DLG2: variants seen among roughly 807,000 people sequenced by gnomAD.
DLG2 encodes discs large MAGUK scaffold protein 2.
A neutral mutation model predicts 132.5 loss-of-function variants in DLG2; 45 were observed. That is an observed-to-expected ratio of 0.34 (90% CI 0.27 to 0.44). The LOEUF (loss-of-function observed/expected upper bound fraction) is 0.44. DLG2 is among the 20% of genes least tolerant of loss of function. The pLI is 1.00. For synonymous variants in DLG2, 424 were observed against 419.6 expected (o/e 1.01, Z -0.13); for missense variants, 1,045 against 1,196.9 (o/e 0.87, Z 1.87).
chr11:85,236,987 C>A (rs995404786), intron 4 of DLG2, among the ~76,000 whole-genome samples: 1 of 152,096 alleles, frequency 6.6e-6, no homozygotes, highest in South Asian at 2.1e-4. Context: ...AAGCTTCCCA[C>A]AAACTACATG....
At chr11:85,069,384 A>T (rs1186486000) in intron 6 of DLG2, among the ~76,000 whole-genome samples, 4 of 152,170 alleles carry the variant, frequency 2.6e-5, no homozygotes, top group Non-Finnish European at 5.9e-5. Flanking sequence ...AATGGGAGAA[A>T]ATTTTTGCAA....
chr11:83,651,828 T>G (rs2070571633), intron 18 of DLG2: 1 of 470,974 alleles, frequency 2.1e-6, no homozygotes. Context: ...TGTGAAAGAT[T>G]TGCTCCCTAC....
chr11:85,215,430 A>T (rs1281451819), intron 4 of DLG2, among the ~76,000 whole-genome samples: 1 of 152,246 alleles, frequency 6.6e-6, no homozygotes, highest in Non-Finnish European at 1.5e-5. Flanking sequence ...GAAGGAATTC[A>T]GAATATGCCA....
At chr11:85,422,569 TC>T (rs1225992172) in intron 3 of DLG2, among the ~76,000 whole-genome samples, 1 of 151,706 alleles carries the variant, frequency 6.6e-6, no homozygotes, top group Admixed American at 6.6e-5. Flanking sequence ...TGTCGGGGTT[TC>T]TTTGTTTCTT....
chr11:83,715,923 T>C (rs768538808), intron 18 of DLG2, among the ~76,000 whole-genome samples: 1 of 152,196 alleles, frequency 6.6e-6, no homozygotes, highest in Non-Finnish European at 1.5e-5. Flanking sequence ...TTTCTGATCA[T>C]CTCATTAGGC....
At chr11:84,734,698 G>A (rs1023470387) in intron 6 of DLG2, among the ~76,000 whole-genome samples, 4 of 152,204 alleles carry the variant, frequency 2.6e-5, no homozygotes, top group Non-Finnish European at 2.9e-5. Context: ...GTGAGAGAGG[G>A]CATCCCTGTC....
intron 6 of DLG2, among the ~76,000 whole-genome samples, chr11:84,981,748 C>T (rs1467017500): frequency 6.6e-6 from 1 of 152,052 alleles, no homozygotes; most frequent in African/African-American, 2.4e-5. Flanking sequence ...AGTTACTGCC[C>T]TGCCTCTCTC....
intron 6 of DLG2, among the ~76,000 whole-genome samples, chr11:84,780,799 T>C (rs139060888): frequency 1.3e-5 from 2 of 152,222 alleles, no homozygotes; most frequent in Non-Finnish European, 2.9e-5. Flanking sequence ...GCAAAATTTG[T>C]GGATGGATTT....
At chr11:84,801,010 G>A (rs933230434) in intron 6 of DLG2, among the ~76,000 whole-genome samples, 1 of 152,148 alleles carries the variant, frequency 6.6e-6, no homozygotes, top group Non-Finnish European at 1.5e-5. Context: ...GCAAGCCTGG[G>A]GAGCAGCAGG....
chr11:84,556,432 A>G (rs1301582018), intron 6 of DLG2, among the ~76,000 whole-genome samples: 1 of 152,230 alleles, frequency 6.6e-6, no homozygotes, highest in East Asian at 1.9e-4. Context: ...GAGCAAGAGT[A>G]TCCAGTCTCC....
chr11:85,167,386 A>G (rs1470928498), intron 4 of DLG2, among the ~76,000 whole-genome samples: 1 of 152,144 alleles, frequency 6.6e-6, no homozygotes, highest in Non-Finnish European at 1.5e-5. Flanking sequence ...GGTGAGGAGG[A>G]GTCTTTAGGT....
intron 18 of DLG2, among the ~76,000 whole-genome samples, chr11:83,733,240 CAA>C (rs71066061): frequency 1.9e-3 from 89 of 46,232 alleles, no homozygotes; most frequent in African/African-American, 5.9e-3. Context: ...GACCCCATCT[CAA>C]AAAAAAAAAA....
intron 7 of DLG2, among the ~76,000 whole-genome samples, chr11:84,363,355 T>C (rs2098662295): frequency 1.3e-5 from 2 of 151,662 alleles, no homozygotes; most frequent in South Asian, 4.2e-4. Context: ...TTTGATGGGG[T>C]TGTTGGTTTT....
chr11:85,110,047 T>C (rs2072451339), intron 6 of DLG2, among the ~76,000 whole-genome samples: 1 of 152,102 alleles, frequency 6.6e-6, no homozygotes, highest in Non-Finnish European at 1.5e-5. Flanking sequence ...GGGATTTTAC[T>C]AGCTGTGGAT....
At chr11:84,425,956 T>G (rs1282651080) in intron 7 of DLG2, among the ~76,000 whole-genome samples, 3 of 152,126 alleles carry the variant, frequency 2.0e-5, no homozygotes, top group Non-Finnish European at 4.4e-5. Context: ...GGGTGACTTT[T>G]TTGTTGTTGT....
intron 16 of DLG2, among the ~76,000 whole-genome samples, chr11:83,834,942 A>T (rs1403418881): frequency 6.6e-6 from 1 of 152,212 alleles, no homozygotes; most frequent in South Asian, 2.1e-4. Context: ...ATGATGTAAG[A>T]ATGAGAAAGA....
chr11:84,924,693 T>A (rs1018031842), intron 6 of DLG2, among the ~76,000 whole-genome samples: 1 of 152,218 alleles, frequency 6.6e-6, no homozygotes, highest in African/African-American at 2.4e-5. Context: ...TTTGTGCCTT[T>A]TTTTAGGAAG....
At chr11:85,369,278 G>GGCTC (rs2084790242) in intron 3 of DLG2, among the ~76,000 whole-genome samples, 1 of 152,068 alleles carries the variant, frequency 6.6e-6, no homozygotes, top group East Asian at 1.9e-4. Context: ...CTAGCTGGCT[G>GGCTC]GCTCCCAGAC....
intron 9 of DLG2, among the ~76,000 whole-genome samples, chr11:84,138,056 C>A (rs1248367517): frequency 6.6e-6 from 1 of 152,076 alleles, no homozygotes; most frequent in Non-Finnish European, 1.5e-5. Flanking sequence ...ACACTGAAAC[C>A]ATAGAGCAAG....
Sources: gnomAD v4.1 joint callset for allele counts (sites outside exome capture counted in the v4.1 genomes callset) on GRCh38, gnomAD v4.1.1 for gene constraint, MANE v1.5 for transcripts, NCBI Gene and HGNC (gene_info 2026-07-23, HGNC 2026-07-21) for gene names.